The following PICK1 variants were observed in gnomAD, a reference collection of about 807,000 sequenced individuals.
The protein encoded by PICK1 is PRKCA-binding protein.
Under a neutral mutation model 48.9 loss-of-function variants are expected in PICK1, and 23 were observed. The observed-to-expected ratio is 0.47, with a 90% confidence interval of 0.34 to 0.67. The LOEUF (loss-of-function observed/expected upper bound fraction) is 0.67. Among genes scored for constraint, PICK1 ranks in the 30% least tolerant of loss-of-function variants. The pLI, the probability that PICK1 is intolerant of heterozygous loss-of-function variation, is 0.01. For synonymous variants in PICK1, 217 were observed against 228.2 expected (o/e 0.95, Z 0.44); for missense variants, 423 against 557.1 (o/e 0.76, Z 2.42).
chr22:38,071,715 C>G lies in PICK1; in HGVS notation c.527C>G (p.Ala176Gly). Residue 176 changes from alanine (A) to glycine (G), a missense_variant, in exon 8 of 13, where the codon GCC (alanine) becomes GGC (glycine). This residue lies in a region of PICK1 where 279 missense variants were observed against 417.8 expected (regional missense o/e 0.67). Coordinates refer to ENST00000356976, the MANE Select transcript of PICK1 (RefSeq NM_012407.4). ...MTEHTKNLLR[A>G]FYELSQTHRA... Reference sequence around the variant, plus strand: ...GAACACACCAAGAACCTCCTACGGGCCTTTTATGAGCTGTCGCAGACTCAC... The same window carrying G: ...GAACACACCAAGAACCTCCTACGGGGCTTTTATGAGCTGTCGCAGACTCAC... 1 of 1,613,608 alleles carries G rather than the reference C, an allele frequency of 6.2e-7. No homozygotes were observed. Among genetic ancestry groups the G allele is most frequent in the African/African-American group, 1.3e-5 (1 of 75,070 alleles).
At chr22:38,058,178 T>C in intron 2 of PICK1, 1 of 416,218 alleles carries the variant, frequency 2.4e-6, no homozygotes, top group Non-Finnish European at 4.5e-6. Context: ...GAAGGTTGAA[T>C]AGGAATATTG....
chr22:38,072,495 C>G lies in PICK1; in HGVS notation c.575C>G (p.Ser192Cys). ...CCTGCAGCCTTTGGGGACGTGTTCT[C>G]CGTGATCGGGGTGCGGGAGCCCCAG... ...QTHRAFGDVF[S>C]VIGVREPQPA... Residue 192 changes from serine to cysteine, a missense_variant, in exon 9 of 13, where the codon TCC becomes TGC. By Grantham distance (112) the Ser-to-Cys change is moderately radical. Coordinates refer to ENST00000356976, the MANE Select transcript of PICK1 (RefSeq NM_012407.4). 6.2e-7 allele frequency: 1 copy of G among 1,613,412 alleles called. No individual in the cohort carries two copies. The highest frequency in any genetic ancestry group is 8.5e-7 in the Non-Finnish European group (1 of 1,180,036).
intron 9 of PICK1, 100 bp from the exon 10 acceptor site, chr22:38,072,900 T>C (rs1263852320): frequency 1.4e-5 from 12 of 887,096 alleles, no homozygotes; most frequent in African/African-American, 3.3e-5. Context: ...CTGGCTCTGA[T>C]AGTCGAGTCC....
chr22:38,074,307 G>T lies in PICK1; in HGVS notation c.835G>T (p.Ala279Ser). ...EMDDEEYSCI[A>S]LGEPLYRVST... ...CACTCCTGTCCCACCCCCGCCCCAG[G>T]CCCTAGGCGAGCCCCTTTACCGGGT... is the stretch of plus-strand genomic sequence containing the variant. Residue 279 changes from alanine (A) to serine (S), a missense_variant and splice_region_variant, in exon 12 of 13, where the codon GCC becomes TCC. Physicochemically the swap from Ala to Ser is moderately conservative, Grantham distance 99 (BLOSUM62 1). Around this residue, in one of 2 missense-constraint regions of PICK1, gnomAD observed 279 missense variants for 417.8 expected, o/e 0.67. Transcript: ENST00000356976. This position sits in a 1 kb window ranked among gnomAD's most constrained non-coding sequence, Gnocchi z 4.5. The T allele has an allele frequency of 6.4e-7, 1 of 1,566,604 alleles. No individual in the cohort carries two copies. Among genetic ancestry groups the T allele is most frequent in the Non-Finnish European group, 8.8e-7 (1 of 1,138,682 alleles).
Position 38,075,083 on chromosome 22 carries a change from G to A in PICK1, c.1199G>A (p.Arg400Gln). Residue 400 changes from arginine (R) to glutamine (Q), a missense_variant, in exon 13 of 13, where the codon CGA becomes CAA. This residue lies in a region of PICK1 where 144 missense variants were observed against 139.3 expected (regional missense o/e 1.03). Transcript: ENST00000356976. ...TAAGEPSRDTRGAAGPLDKGG... is the reference protein window; with the variant it reads ...TAAGEPSRDTQGAAGPLDKGG... ...GCTGGGGAGCCGTCCAGGGATACAC[G>A]AGGGGCTGCTGGGCCCTTGGACAAG... The A allele has an allele frequency of 1.1e-5, 18 of 1,612,786 alleles. No individual in the cohort carries two copies. Among genetic ancestry groups the A allele is most frequent in the Non-Finnish European group, 1.4e-5 (16 of 1,179,970 alleles).
chr22:38,073,337 C>A lies in PICK1; in HGVS notation c.783+245C>A, dbSNP rs2085749051. ...CACTCTGACCCCTTGGGATTTGTTG[C>A]CTTTAAACAATGGGTTAGACTAGGT... On this transcript the variant is annotated intron_variant, in intron 10 of 12. Coordinates refer to ENST00000356976, the MANE Select transcript of PICK1 (RefSeq NM_012407.4). The surrounding 1 kb of genome is among the most constrained non-coding windows in gnomAD (Gnocchi z 5.7). 6.6e-6 allele frequency among the ~76,000 whole-genome samples: 1 copy of A among 152,214 alleles called. No homozygotes were observed. The highest frequency in any genetic ancestry group is 2.4e-5 in the African/African-American group (1 of 41,452).
At chr22:38,064,897 C>T (rs2085488663) in intron 3 of PICK1, 105 bp from the exon 4 acceptor site, 1 of 1,356,562 alleles carries the variant, frequency 7.4e-7, no homozygotes, top group South Asian at 1.2e-5. Context: ...AAAACGAGAG[C>T]AGAGGGTAGA....
intron 8 of PICK1, 35 bp from the exon 9 acceptor site, chr22:38,072,442 G>C: frequency 6.2e-7 from 1 of 1,605,800 alleles, no homozygotes; most frequent in Non-Finnish European, 8.5e-7. Context: ...AGGGGGCCAA[G>C]TAGGGGCAGC....
intron 7 of PICK1, among the ~76,000 whole-genome samples, chr22:38,071,192 C>A (rs2089987806): frequency 6.6e-6 from 1 of 152,046 alleles, no homozygotes; most frequent in South Asian, 2.1e-4. Context: ...ACTGAAAATA[C>A]AAAAATTAGC....
In PICK1 at chr22:38,074,537, C is replaced by T; in HGVS notation, c.979+86C>T. 2 of 1,535,072 alleles carry T rather than the reference C, an allele frequency of 1.3e-6. No individual in the cohort carries two copies. Among genetic ancestry groups the T allele is most frequent in the Non-Finnish European group, 8.9e-7 (1 of 1,124,676 alleles). On this transcript the variant is annotated intron_variant, in intron 12 of 12. Coordinates refer to ENST00000356976, the MANE Select transcript of PICK1 (RefSeq NM_012407.4). This position sits in a 1 kb window ranked among gnomAD's most constrained non-coding sequence, Gnocchi z 4.5. ...GAGGGGTACTCTCAGGGCCAGGCCA[C>T]GGCCCAGATGTAAAGCCCCTCCAGG...
chr22:38,075,137 C>T lies in PICK1; in HGVS notation c.*5C>T, dbSNP rs1325258636. On this transcript the variant is annotated 3_prime_UTR_variant, in exon 13 of 13. Transcript: ENST00000356976. ...GGAAGCTGGTGTGACTCCTGAGTGC[C>T]CCGCGGCTGTGGTGCCGGGGGCAGG... is the stretch of plus-strand genomic sequence containing the variant. The T allele has an allele frequency of 3.7e-6, 6 of 1,606,680 alleles. No individual in the cohort carries two copies. Among genetic ancestry groups the T allele is most frequent in the Non-Finnish European group, 5.1e-6 (6 of 1,176,536 alleles).
chr22:38,060,041 G>A (rs534811015), intron 3 of PICK1, among the ~76,000 whole-genome samples: 2 of 152,244 alleles, frequency 1.3e-5, no homozygotes, highest in Non-Finnish European at 2.9e-5. Flanking sequence ...GTGAAACCCC[G>A]TCTCTACTAA....
Position 38,075,151 on chromosome 22 carries a change from GC to G in PICK1, c.*21del, listed in dbSNP as rs772845213. 6.2e-7 allele frequency: 1 copy of G among 1,602,296 alleles called. No homozygotes were observed. The highest frequency in any genetic ancestry group is 2.2e-5 in the East Asian group (1 of 44,634). On this transcript the variant is annotated 3_prime_UTR_variant, in exon 13 of 13. Coordinates refer to ENST00000356976, the MANE Select transcript of PICK1 (RefSeq NM_012407.4). ...CTCCTGAGTGCCCCGCGGCTGTGGT[GC>G]CGGGGGCAGGGTGCGTGGGAGGACG...
intron 6 of PICK1, among the ~76,000 whole-genome samples, chr22:38,070,526 C>G (rs889590039): frequency 2.6e-5 from 4 of 152,250 alleles, no homozygotes; most frequent in Non-Finnish European, 4.4e-5. Flanking sequence ...GCGCTAGAGG[C>G]CTGGCTGCTC....
intron 3 of PICK1, among the ~76,000 whole-genome samples, chr22:38,061,661 G>A (rs1032791814): frequency 6.6e-6 from 1 of 152,152 alleles, no homozygotes; most frequent in African/African-American, 2.4e-5. Flanking sequence ...TGGGATTACA[G>A]GCACGTGCCA....
intron 2 of PICK1, among the ~76,000 whole-genome samples, chr22:38,058,452 A>G (rs1034891452): frequency 4.6e-5 from 7 of 152,200 alleles, no homozygotes; most frequent in African/African-American, 1.2e-4. Flanking sequence ...GGAGGTGGAC[A>G]GTTTAATAGA....
chr22:38,062,526 G>C (rs1269839486), intron 3 of PICK1, among the ~76,000 whole-genome samples: 1 of 152,168 alleles, frequency 6.6e-6, no homozygotes, highest in East Asian at 1.9e-4. Context: ...GGGATTACAG[G>C]CGTGAGCCAC....
At position 38,073,062 on chromosome 22, in the gene PICK1, GA is replaced by G; in HGVS notation, c.755del (p.Lys252SerfsTer5). 1.2e-6 allele frequency: 2 copies of G among 1,613,550 alleles called. No individual in the cohort carries two copies. The highest frequency in any genetic ancestry group is 1.7e-6 in the Non-Finnish European group (2 of 1,179,570). On this transcript the variant is annotated frameshift_variant, in exon 10 of 13. Transcript: ENST00000356976. LOFTEE classifies it high-confidence loss of function. This position sits in a 1 kb window ranked among gnomAD's most constrained non-coding sequence, Gnocchi z 5.7. ...AIPDTRLTIK[K>X]YLDVKFEYLS... is the part of the protein sequence containing the mutation. Reference sequence around the variant, plus strand: ...TCCCGGACACTCGCCTCACCATCAAGAAGTACCTGGACGTGAAGTTTGAGTA... The same window carrying G: ...TCCCGGACACTCGCCTCACCATCAAGAGTACCTGGACGTGAAGTTTGAGTA...
At position 38,074,787 on chromosome 22, in the gene PICK1, G is replaced by C. The variant is rs532114927; in HGVS notation, c.980-77G>C. 6 of 1,569,412 alleles carry C rather than the reference G, an allele frequency of 3.8e-6. No individual in the cohort carries two copies. In the South Asian group the frequency reaches 5.6e-5, roughly 15 times the overall value. On this transcript the variant is annotated intron_variant, in intron 12 of 12. Coordinates refer to ENST00000356976, the MANE Select transcript of PICK1 (RefSeq NM_012407.4). The surrounding 1 kb of genome is among the most constrained non-coding windows in gnomAD (Gnocchi z 4.5). Reference sequence around the variant, plus strand: ...CCCAGGGGAGGCGAGAGGTGGGCCGGGTGGGCTGGGAGAGTCTCCTCCCTG... The same window carrying C: ...CCCAGGGGAGGCGAGAGGTGGGCCGCGTGGGCTGGGAGAGTCTCCTCCCTG...
Sources: allele counts gnomAD v4.1 joint callset (sites outside exome capture counted in the v4.1 genomes callset), GRCh38; gene constraint gnomAD v4.1.1; regional missense constraint gnomAD v4.1.1; non-coding constraint Gnocchi (gnomAD v3.1); transcripts MANE v1.5; gene names NCBI Gene and HGNC (gene_info 2026-07-23, HGNC 2026-07-21).